COMMD1: variants seen among roughly 807,000 people sequenced by gnomAD.
COMMD1 encodes the protein COMM domain-containing protein 1.
COMMD1 carries 10 observed loss-of-function variants against 17.2 expected under a neutral mutation model. The observed-to-expected ratio is 0.58, with a 90% confidence interval of 0.36 to 0.99. The LOEUF (loss-of-function observed/expected upper bound fraction) is 0.99, where lower values mean the gene tolerates loss of function less well. Among genes scored for constraint, COMMD1 ranks in the 50% least tolerant of loss-of-function variants. COMMD1 has a pLI of 0.01. For synonymous variants in COMMD1, 97 were observed against 91.6 expected (o/e 1.06, Z -0.34); for missense variants, 270 against 231.8 (o/e 1.17, Z -1.07).
Position 62,014,542 on chromosome 2 carries a change from CTTTTTTTTTTTTTTTTTTTT to C in COMMD1, c.462+13578_462+13597del, listed in dbSNP as rs67886279. ...CATAACAAAATTTTACCATTTTAAC[CTTTTTTTTTTTTTTTTTTTT>C]TTTTTTTTTTTTTTTTTGAGACAGA... On this transcript the variant is annotated intron_variant, in intron 2 of 2. Transcript: ENST00000311832. Among the ~76,000 whole-genome samples, 467 of 63,588 alleles carry C rather than the reference CTTTTTTTTTTTTTTTTTTTT, an allele frequency of 7.3e-3. 7 individuals carry two copies. Among genetic ancestry groups the C allele is most frequent in the African/African-American group, 0.031 (430 of 14,042 alleles). The allele number at this position is 63,588 out of a possible 152,430, so 41.7% of individuals were successfully genotyped here.
At chr2:62,034,224 C>T (rs1301135979) in intron 2 of COMMD1, among the ~76,000 whole-genome samples, 7 of 151,972 alleles carry the variant, frequency 4.6e-5, no homozygotes, top group Non-Finnish European at 8.8e-5. Context: ...CACACTTGGC[C>T]GGGCATGGTG....
At chr2:62,111,675 C>G (rs905266534) in intron 2 of COMMD1, among the ~76,000 whole-genome samples, 1 of 152,030 alleles carries the variant, frequency 6.6e-6, no homozygotes, top group Admixed American at 6.6e-5. Context: ...TGACTTGAAA[C>G]GGGAAAGAGG....
At chr2:61,946,732 C>T (rs887802516) in intron 1 of COMMD1, among the ~76,000 whole-genome samples, 2 of 152,136 alleles carry the variant, frequency 1.3e-5, no homozygotes, top group Non-Finnish European at 2.9e-5. Context: ...TTAGCCAGCT[C>T]GACCATATAA....
rs368332328 is a variant in COMMD1, at chr2:61,905,820, T to C, written c.142T>C (p.Phe48Leu). 2.5e-6 allele frequency: 4 copies of C among 1,613,922 alleles called. No individual in the cohort carries two copies. In the African/African-American group the frequency reaches 5.3e-5, roughly 22 times the overall value. ...QLYPEVPPEE[F>L]RPFLAKMRGI... Reference sequence around the variant, plus strand: ...ATATCCAGAGGTGCCACCCGAGGAGTTCCGCCCCTTTCTGGCAAAGATGAG... The same window carrying C: ...ATATCCAGAGGTGCCACCCGAGGAGCTCCGCCCCTTTCTGGCAAAGATGAG... The change falls in exon 1 of 3, where the codon TTC becomes CTC. Residue 48 changes from phenylalanine to leucine, a missense_variant. Transcript: ENST00000311832.
intron 2 of COMMD1, among the ~76,000 whole-genome samples, chr2:62,046,522 C>T (rs1004051084): frequency 6.6e-6 from 1 of 152,162 alleles, no homozygotes; most frequent in African/African-American, 2.4e-5. Flanking sequence ...TCATGGTGTT[C>T]ATTATATACT....
intron 2 of COMMD1, among the ~76,000 whole-genome samples, chr2:62,111,088 A>G (rs1392307557): frequency 6.6e-6 from 1 of 152,176 alleles, no homozygotes; most frequent in Non-Finnish European, 1.5e-5. Context: ...TACCTGGTGC[A>G]GAGAGGGAGA....
At chr2:61,959,156 A>G (rs1447997443) in intron 1 of COMMD1, among the ~76,000 whole-genome samples, 1 of 152,172 alleles carries the variant, frequency 6.6e-6, no homozygotes, top group Non-Finnish European at 1.5e-5. Context: ...TGGTTTCACC[A>G]TGTGCTTATT....
At chr2:62,011,017 T>C (rs1669263614) in intron 2 of COMMD1, among the ~76,000 whole-genome samples, 1 of 152,230 alleles carries the variant, frequency 6.6e-6, no homozygotes, top group South Asian at 2.1e-4. Flanking sequence ...TTGTTGCTAA[T>C]TTCTGAAACA....
chr2:62,092,932 T>G (rs1558596154), intron 2 of COMMD1, among the ~76,000 whole-genome samples: 1 of 152,130 alleles, frequency 6.6e-6, no homozygotes, highest in Non-Finnish European at 1.5e-5. Flanking sequence ...GCTAATTGAG[T>G]TTTTATTGTG....
chr2:61,942,477 A>G (rs1395947997), intron 1 of COMMD1, among the ~76,000 whole-genome samples: 2 of 149,716 alleles, frequency 1.3e-5, no homozygotes, highest in Non-Finnish European at 2.9e-5. Context: ...AGTGGCACTC[A>G]TGATCTGCCT....
chr2:62,029,880 G>C (rs1013873567), intron 2 of COMMD1, among the ~76,000 whole-genome samples: 8 of 152,180 alleles, frequency 5.3e-5, no homozygotes, highest in Non-Finnish European at 1.2e-4. Context: ...AAAAATTACC[G>C]ACAAGAAGCA....
chr2:61,953,770 A>G (rs1407691264), intron 1 of COMMD1, among the ~76,000 whole-genome samples: 1 of 152,220 alleles, frequency 6.6e-6, no homozygotes, highest in Non-Finnish European at 1.5e-5. Context: ...CTCTATACAT[A>G]CAAACCATTC....
At chr2:62,055,522 T>G (rs1670670424) in intron 2 of COMMD1, 1 of 453,448 alleles carries the variant, frequency 2.2e-6, no homozygotes, top group Non-Finnish European at 4.4e-6. Flanking sequence ...CATGAAACCT[T>G]CAAAACTGCT....
chr2:61,918,411 T>C (rs1572960554), intron 1 of COMMD1, among the ~76,000 whole-genome samples: 1 of 152,216 alleles, frequency 6.6e-6, no homozygotes, highest in African/African-American at 2.4e-5. Context: ...CTGGACGTCA[T>C]ATGATAAAGC....
At chr2:61,984,205 T>C (rs1403028037) in intron 1 of COMMD1, among the ~76,000 whole-genome samples, 3 of 152,178 alleles carry the variant, frequency 2.0e-5, no homozygotes, top group Admixed American at 1.3e-4. Context: ...TTTGTGTTTT[T>C]AGTAGAGATG....
At chr2:62,099,679 C>T (rs763828721) in intron 2 of COMMD1, among the ~76,000 whole-genome samples, 1 of 151,862 alleles carries the variant, frequency 6.6e-6, no homozygotes, top group Non-Finnish European at 1.5e-5. Context: ...AACACTGAGT[C>T]GTTTCTACCC....
chr2:61,932,173 C>T (rs1572975050), intron 1 of COMMD1, among the ~76,000 whole-genome samples: 2 of 152,200 alleles, frequency 1.3e-5, no homozygotes, highest in African/African-American at 4.8e-5. Flanking sequence ...TCTTCCCTCT[C>T]TGCTTACATT....
At chr2:61,900,647 A>G (rs894236096), upstream of COMMD1, among the ~76,000 whole-genome samples, 1 of 152,134 alleles carries the variant, frequency 6.6e-6, no homozygotes, top group African/African-American at 2.4e-5. Context: ...GTGGAAACAC[A>G]ATTTTCAGGT....
Position 61,920,987 on chromosome 2 carries a change from T to A in COMMD1, c.180+15129T>A, listed in dbSNP as rs1284877277. Among the ~76,000 whole-genome samples the A allele has an allele frequency of 3.4e-3, 448 of 132,260 alleles. 3 individuals carry two copies. The highest frequency in any genetic ancestry group is 0.018 in the East Asian group (86 of 4,906). 86.8% of individuals were successfully genotyped at this position (132,260 alleles called of 152,430 possible). On this transcript the variant is annotated intron_variant, in intron 1 of 2. Transcript: ENST00000311832. ...TGTGTATATATATATATATATTTTTTTTTTTTTTGAGACAGAGCCTTACTC... is the reference window on the plus strand; with the variant it reads ...TGTGTATATATATATATATATTTTTATTTTTTTTGAGACAGAGCCTTACTC...
Sources: gnomAD v4.1 joint callset for allele counts (sites outside exome capture counted in the v4.1 genomes callset) on GRCh38, gnomAD v4.1.1 for gene constraint, MANE v1.5 for transcripts, NCBI Gene and HGNC (gene_info 2026-07-23, HGNC 2026-07-21) for gene names.